The following UNC79 variants were observed in gnomAD, a reference collection of about 807,000 sequenced individuals.
The protein encoded by UNC79 is protein unc-79 homolog.
In UNC79, 37 loss-of-function variants were observed where a neutral mutation model predicts 283.1. The observed-to-expected ratio is 0.13, with a 90% CI of 0.10 to 0.17. The LOEUF is 0.17. Among genes scored for constraint, UNC79 ranks in the 10% least tolerant of loss-of-function variants. The pLI is 1.00. For missense variants in UNC79, 2,272 were observed against 3,211.1 expected (o/e 0.71, Z 7.07); for synonymous variants, 1,107 against 1,200.2 (o/e 0.92, Z 1.61).
At chr14:93,356,735 T>A (rs531354701) in intron 1 of UNC79, among the ~76,000 whole-genome samples, 1 of 152,278 alleles carries the variant, frequency 6.6e-6, no homozygotes, top group South Asian at 2.1e-4. Context: ...TTTAAAAAAT[T>A]TTTTTGCCAC....
At chr14:93,348,099 G>A in intron 1 of UNC79, 1 of 1,608,056 alleles carries the variant, frequency 6.2e-7, no homozygotes, top group Non-Finnish European at 8.5e-7. Context: ...TAGGCAACCT[G>A]AAGCAGTTCA....
In UNC79 at chr14:93,662,333, T is replaced by G. The variant is rs529287998; in HGVS notation, c.6526-271T>G. 3.4e-4 allele frequency among the ~76,000 whole-genome samples: 52 copies of G among 152,030 alleles called. 1 individual carries two copies. The highest frequency in any genetic ancestry group is 1.2e-3 in the African/African-American group (51 of 41,446). ...GCTTAGGGTGGACACGAAGACAGGG[T>G]TGTAGTAAGGAAGGTTTGTAAATGA... On this transcript the variant is annotated intron_variant, in intron 39 of 48. Coordinates refer to ENST00000555664, the Ensembl canonical transcript of UNC79.
chr14:93,649,135 G>A (rs1215543203), intron 35 of UNC79, among the ~76,000 whole-genome samples: 3 of 151,982 alleles, frequency 2.0e-5, no homozygotes, highest in African/African-American at 4.8e-5. Flanking sequence ...GTGCCTCAGG[G>A]GTATTTTCTG....
chr14:93,347,264 G>C (rs751465395), intron 1 of UNC79: 3 of 1,600,634 alleles, frequency 1.9e-6, no homozygotes, highest in Non-Finnish European at 2.6e-6. Context: ...CTCACCTGAC[G>C]CGATATGCCT....
intron 5 of UNC79, 47 bp from the exon 6 acceptor site, chr14:93,496,364 G>A: frequency 7.9e-7 from 1 of 1,272,218 alleles, no homozygotes; most frequent in Non-Finnish European, 1.1e-6. Context: ...AGGATGTTTT[G>A]TCTGGTATTT....
intron 47 of UNC79, among the ~76,000 whole-genome samples, chr14:93,694,633 A>G (rs1351139222): frequency 6.6e-6 from 1 of 152,160 alleles, no homozygotes; most frequent in Non-Finnish European, 1.5e-5. Flanking sequence ...CTATCAGACC[A>G]GGCCAAGCAT....
chr14:93,590,999 A>G lies in UNC79; in HGVS notation c.3033-2681A>G, dbSNP rs191967341. Among the ~76,000 whole-genome samples the G allele has an allele frequency of 4.6e-5, 7 of 152,332 alleles. No homozygotes were observed. In the East Asian group the frequency reaches 1.2e-3, roughly 25 times the overall value. On this transcript the variant is annotated intron_variant, in intron 22 of 48. Transcript: ENST00000555664. ...CTACTAAGTGCCATGCTCTCTGCACATCTTGTTTAAAGCCCACACTGGGAG... is the reference window on the plus strand; with the variant it reads ...CTACTAAGTGCCATGCTCTCTGCACGTCTTGTTTAAAGCCCACACTGGGAG...
chr14:93,655,523 T>G, intron 38 of UNC79, 116 bp downstream of exon 41: 2 of 1,260,974 alleles, frequency 1.6e-6, no homozygotes, highest in Non-Finnish European at 2.2e-6. Context: ...ATGAGGAAAC[T>G]CCGTCAGCCA....
intron 1 of UNC79, among the ~76,000 whole-genome samples, chr14:93,361,251 AGAAAAGAAG>A: frequency 6.8e-6 from 1 of 147,644 alleles, no homozygotes; most frequent in Non-Finnish European, 1.5e-5. Context: ...AGAAAAGAAA[AGAAAAGAAG>A]GAGGCACAAC....
chr14:93,571,973 C>A (rs1365892059), exon 15 of UNC79: 1 of 1,614,196 alleles, frequency 6.2e-7, no homozygotes, highest in Non-Finnish European at 8.5e-7. Flanking sequence ...TGCCTGATCC[C>A]CTATAATGTG....
intron 1 of UNC79, among the ~76,000 whole-genome samples, chr14:93,461,490 A>T (rs781659126): frequency 4.6e-5 from 7 of 151,864 alleles, no homozygotes; most frequent in Non-Finnish European, 1.0e-4. Flanking sequence ...GTATGCACAG[A>T]CCTCTTTTGT....
chr14:93,694,290 C>A, intron 46 of UNC79, 45 bp from the exon 50 acceptor site: 1 of 1,585,314 alleles, frequency 6.3e-7, no homozygotes, highest in Non-Finnish European at 8.7e-7. Context: ...TGCAAGGTTT[C>A]TATATCACTG....
chr14:93,534,349 G>A (rs1350460099), intron 11 of UNC79, among the ~76,000 whole-genome samples: 1 of 152,176 alleles, frequency 6.6e-6, no homozygotes, highest in Non-Finnish European at 1.5e-5. Flanking sequence ...GTGCATGTAG[G>A]AGTTAGGGTC....
At chr14:93,378,495 A>G (rs1217934949) in intron 1 of UNC79, among the ~76,000 whole-genome samples, 1 of 151,518 alleles carries the variant, frequency 6.6e-6, no homozygotes, top group African/African-American at 2.4e-5. Flanking sequence ...TTTTTTTTTC[A>G]GATTTTGGAA....
intron 1 of UNC79, among the ~76,000 whole-genome samples, chr14:93,413,797 A>G (rs1354575833): frequency 1.3e-3 from 161 of 123,004 alleles, no homozygotes; most frequent in Middle Eastern, 3.7e-3. Context: ...GCATTTTTTC[A>G]TGTGTTTTTT....
chr14:93,586,352 C>G (rs984646219), intron 20 of UNC79, among the ~76,000 whole-genome samples: 2 of 152,172 alleles, frequency 1.3e-5, no homozygotes, highest in African/African-American at 2.4e-5. Flanking sequence ...CCAAAGACAT[C>G]TGAATACATG....
At chr14:93,437,200 G>A (rs1369715241) in intron 1 of UNC79, among the ~76,000 whole-genome samples, 1 of 152,028 alleles carries the variant, frequency 6.6e-6, no homozygotes, top group Non-Finnish European at 1.5e-5. Flanking sequence ...AGCATGTCAG[G>A]ATTATATGTG....
chr14:93,653,763 G>A lies in UNC79; in HGVS notation c.6105G>A (p.Ala2035=), dbSNP rs142666714. The A allele has an allele frequency of 4.3e-4, 697 of 1,610,206 alleles. 7 individuals carry two copies. In the African/African-American group the frequency reaches 8.3e-3, roughly 19 times the overall value. The stretch of plus-strand genomic sequence containing the variant: ...CCAGCATGATGGTTCCCGGCAATGC[G>A]GCGGGGGTGGCCAAGCAGTTCCTGC... The change falls in exon 36 of 49, where the codon GCG becomes GCA. Residue 2035 remains alanine, a synonymous_variant. Transcript: ENST00000555664.
chr14:93,434,809 G>A (rs2056021164), intron 1 of UNC79, among the ~76,000 whole-genome samples: 1 of 152,186 alleles, frequency 6.6e-6, no homozygotes, highest in African/African-American at 2.4e-5. Context: ...GGCACATAAT[G>A]AGGACTTAAT....
Sources: gnomAD v4.1 joint callset for allele counts (sites outside exome capture counted in the v4.1 genomes callset) on GRCh38, gnomAD v4.1.1 for gene constraint, MANE v1.5 for transcripts, NCBI Gene and HGNC (gene_info 2026-07-23, HGNC 2026-07-21) for gene names.